Variants in RBFOX1 observed in about 807,000 individuals in gnomAD.
RBFOX1 encodes the protein RNA binding fox-1 homolog 1, also known as RNA binding protein fox-1 homolog 1.
A neutral mutation model predicts 57.7 loss-of-function variants in RBFOX1; 8 were observed. That is an observed-to-expected ratio of 0.14 (90% CI 0.08 to 0.25). The LOEUF is 0.25. Among genes scored for constraint, RBFOX1 ranks in the 10% least tolerant of loss-of-function variants. RBFOX1 has a pLI of 1.00. For missense variants in RBFOX1, 611 were observed against 548.5 expected (o/e 1.11, Z -1.14); for synonymous variants, 326 against 222.4 (o/e 1.47, Z -4.15).
intron 3 of RBFOX1, among the ~76,000 whole-genome samples, chr16:6,861,963 A>T (rs553897979): frequency 2.6e-5 from 4 of 151,274 alleles, no homozygotes; most frequent in Non-Finnish European, 4.4e-5. Flanking sequence ...GGAATATGCA[A>T]TGGGAGGCTT....
chr16:7,519,856 T>A, intron 5 of RBFOX1: 1 of 428,926 alleles, frequency 2.3e-6, no homozygotes. Context: ...CTCATTCATT[T>A]GGAGGCTAGT....
chr16:6,899,001 G>A lies in RBFOX1; in HGVS notation c.-15-153056G>A, dbSNP rs111208323. On this transcript the variant is annotated intron_variant, in intron 3 of 15. Transcript: ENST00000550418. ...GTGTATGTGTGCATATATATAATGC[G>A]TGTATGCATGCGCGTCTCTGTGTGT... Among the ~76,000 whole-genome samples the A allele has an allele frequency of 3.2e-4, 36 of 113,262 alleles. No homozygotes were observed. In the East Asian group the frequency reaches 6.7e-3, roughly 21 times the overall value. The allele number at this position is 113,262 out of a possible 152,430, so 74.3% of individuals were successfully genotyped here. A position where few individuals can be genotyped will look rare whatever the true frequency, so the allele number is the denominator to read the frequency against.
At chr16:6,959,511 T>TTA (rs2082520178) in intron 3 of RBFOX1, among the ~76,000 whole-genome samples, 2 of 152,168 alleles carry the variant, frequency 1.3e-5, no homozygotes, top group African/African-American at 4.8e-5. Context: ...TTTTATTTTT[T>TTA]ACCCTCTCTC....
chr16:6,439,563 G>A lies in RBFOX1; in HGVS notation c.-64+122506G>A, dbSNP rs187152545. ...CATCCAACCTGCAGTTTGGGTACAG[G>A]GAAGTGTTGACTGGAGTTCAGTGCA... On this transcript the variant is annotated intron_variant, in intron 2 of 15. Transcript: ENST00000550418. 2.1e-4 allele frequency among the ~76,000 whole-genome samples: 32 copies of A among 152,232 alleles called. No individual in the cohort carries two copies. In the East Asian group the frequency reaches 4.8e-3, roughly 23 times the overall value.
intron 2 of RBFOX1, among the ~76,000 whole-genome samples, chr16:6,638,281 C>T (rs971713292): frequency 3.9e-5 from 6 of 152,194 alleles, no homozygotes; most frequent in South Asian, 2.1e-4. Context: ...TACATTTTTC[C>T]TATGCTCATG....
chr16:5,928,784 G>A (rs1343971932), intron 4 of RBFOX1, among the ~76,000 whole-genome samples: 1 of 151,750 alleles, frequency 6.6e-6, no homozygotes, highest in Non-Finnish European at 1.5e-5. Flanking sequence ...TGGTTCCACA[G>A]TTGTCTGACC....
chr16:5,592,434 T>C (rs1228616683), intron 2 of RBFOX1, among the ~76,000 whole-genome samples: 4 of 151,446 alleles, frequency 2.6e-5, no homozygotes, highest in Non-Finnish European at 5.9e-5. Context: ...TTTTTTTTTC[T>C]GAGATGGAGT....
intron 4 of RBFOX1, chr16:7,304,197 A>G: frequency 1.1e-6 from 1 of 951,360 alleles, no homozygotes; most frequent in Non-Finnish European, 1.2e-6. Flanking sequence ...AGAGGGGGAG[A>G]GAGACAGAGA....
intron 2 of RBFOX1, among the ~76,000 whole-genome samples, chr16:6,484,866 T>G (rs530139600): frequency 6.6e-6 from 1 of 152,360 alleles, no homozygotes; most frequent in African/African-American, 2.4e-5. Flanking sequence ...GGTTTCAATT[T>G]TGGTTACACA....
intron 3 of RBFOX1, among the ~76,000 whole-genome samples, chr16:6,675,925 C>T (rs2057561447): frequency 6.6e-6 from 1 of 152,018 alleles, no homozygotes. Context: ...GGTATTTGTC[C>T]AGGCCTGAGA....
At chr16:6,323,469 G>C (rs1475402835) in intron 2 of RBFOX1, among the ~76,000 whole-genome samples, 1 of 152,118 alleles carries the variant, frequency 6.6e-6, no homozygotes. Flanking sequence ...CTGTAAAAGT[G>C]ACAAGCAGGT....
chr16:6,007,948 C>T (rs1315989042), intron 4 of RBFOX1, among the ~76,000 whole-genome samples: 3 of 152,096 alleles, frequency 2.0e-5, no homozygotes, highest in Non-Finnish European at 4.4e-5. Flanking sequence ...TGCAGTGGCT[C>T]ACATCTGTAA....
At chr16:7,253,371 C>T (rs1161973374) in intron 4 of RBFOX1, among the ~76,000 whole-genome samples, 1 of 151,930 alleles carries the variant, frequency 6.6e-6, no homozygotes, top group African/African-American at 2.4e-5. Flanking sequence ...GGTTCATTTT[C>T]ACTCTAACTG....
chr16:6,077,145 G>C (rs2095915032), intron 1 of RBFOX1, among the ~76,000 whole-genome samples: 1 of 152,162 alleles, frequency 6.6e-6, no homozygotes, highest in African/African-American at 2.4e-5. Context: ...ATACCTTCCA[G>C]AGTTAGATGG....
intron 3 of RBFOX1, among the ~76,000 whole-genome samples, chr16:6,821,831 A>T (rs755053066): frequency 6.6e-6 from 1 of 152,192 alleles, no homozygotes; most frequent in East Asian, 1.9e-4. Flanking sequence ...TGTTATGAAC[A>T]TGAAGGTGCA....
At chr16:6,245,294 A>C (rs1002915824) in intron 1 of RBFOX1, among the ~76,000 whole-genome samples, 1 of 152,076 alleles carries the variant, frequency 6.6e-6, no homozygotes, top group African/African-American at 2.4e-5. Context: ...TCATTGCTTT[A>C]ATGAAATCTG....
chr16:7,216,274 T>C (rs2092030524), intron 4 of RBFOX1, among the ~76,000 whole-genome samples: 1 of 152,200 alleles, frequency 6.6e-6, no homozygotes, highest in Admixed American at 6.5e-5. Flanking sequence ...GTCCAGGTTC[T>C]CTCATTGACC....
chr16:5,413,024 C>A (rs1206033666), intron 1 of RBFOX1, among the ~76,000 whole-genome samples: 1 of 152,154 alleles, frequency 6.6e-6, no homozygotes, highest in Non-Finnish European at 1.5e-5. Context: ...TGGATGAAGC[C>A]ACTCTGGCAT....
intron 2 of RBFOX1, among the ~76,000 whole-genome samples, chr16:5,499,197 C>G (rs1200943989): frequency 1.3e-5 from 2 of 152,192 alleles, no homozygotes; most frequent in African/African-American, 4.8e-5. Context: ...TTTGTAATCT[C>G]TCAGTGCTTG....
Sources: allele counts gnomAD v4.1 joint callset (sites outside exome capture counted in the v4.1 genomes callset), GRCh38; gene constraint gnomAD v4.1.1; transcripts MANE v1.5; gene names NCBI Gene and HGNC (gene_info 2026-07-23, HGNC 2026-07-21).